Variants in NRXN1 observed in about 807,000 individuals in gnomAD.
NRXN1 encodes neurexin-1.
Under a neutral mutation model 150.9 loss-of-function variants are expected in NRXN1, and 39 were observed. The observed-to-expected ratio is 0.26, with a 90% CI of 0.20 to 0.34. The LOEUF is 0.34. Among genes scored for constraint, NRXN1 ranks in the 10% least tolerant of loss-of-function variants. The pLI is 1.00. For synonymous variants in NRXN1, 924 were observed against 757.0 expected, an observed-to-expected ratio of 1.22 and a Z score of -3.62; for missense variants, 1,815 against 1,949.9, an observed-to-expected ratio of 0.93 and a Z score of 1.30.
At chr2:50,917,386 A>G (rs1685362457) in intron 5 of NRXN1, 5 of 151,794 alleles carry the variant, frequency 3.3e-5, no homozygotes, top group Admixed American at 2.6e-4. Flanking sequence ...ACAAATATGC[A>G]TTAGGATTTT....
At chr2:50,588,851 A>G (rs1673609827) in intron 8 of NRXN1, 1 of 152,290 alleles carries the variant, frequency 6.6e-6, no homozygotes, top group East Asian at 1.9e-4. Flanking sequence ...AATGGCGATA[A>G]TTATAGTAGC....
At chr2:50,210,539 A>G (rs1162094790) in intron 18 of NRXN1, among the ~76,000 whole-genome samples, 2 of 151,784 alleles carry the variant, frequency 1.3e-5, no homozygotes, top group African/African-American at 4.8e-5. Context: ...ACTGATAGTG[A>G]TCATTTAGTA....
chr2:50,474,638 T>C (rs2089820645), intron 15 of NRXN1, among the ~76,000 whole-genome samples: 1 of 127,830 alleles, frequency 7.8e-6, no homozygotes. Context: ...TACTCCTCTG[T>C]GCCATGGGAG....
chr2:50,866,766 G>C (rs1676998733), intron 5 of NRXN1, among the ~76,000 whole-genome samples: 1 of 151,782 alleles, frequency 6.6e-6, no homozygotes, highest in Non-Finnish European at 1.5e-5. Context: ...CAGAGAATGA[G>C]GCCAATTCAT....
intron 18 of NRXN1, among the ~76,000 whole-genome samples, chr2:50,173,612 T>C (rs1487380405): frequency 6.6e-6 from 1 of 152,158 alleles, no homozygotes; most frequent in Non-Finnish European, 1.5e-5. Flanking sequence ...CATGAGGAGG[T>C]AGTACACATC....
intron 5 of NRXN1, among the ~76,000 whole-genome samples, chr2:50,627,873 C>T (rs1417778556): frequency 6.6e-6 from 1 of 151,298 alleles, no homozygotes; most frequent in Non-Finnish European, 1.5e-5. Flanking sequence ...TAACATGCCA[C>T]AACACCTGTG....
chr2:50,080,020 G>A (rs1156482956), intron 19 of NRXN1, among the ~76,000 whole-genome samples: 3 of 152,180 alleles, frequency 2.0e-5, no homozygotes, highest in African/African-American at 7.2e-5. Context: ...TAAATTGCAT[G>A]CCATTCTGAG....
At chr2:50,166,308 TG>T (rs2059682499) in intron 18 of NRXN1, among the ~76,000 whole-genome samples, 1 of 144,774 alleles carries the variant, frequency 6.9e-6, no homozygotes, top group South Asian at 2.1e-4. Context: ...TGTGTGTGTG[TG>T]TGTGTGTGTG....
chr2:50,807,527 G>A (rs1300029054), intron 5 of NRXN1, among the ~76,000 whole-genome samples: 1 of 152,072 alleles, frequency 6.6e-6, no homozygotes, highest in Non-Finnish European at 1.5e-5. Context: ...AATACTGAAA[G>A]TGCATGAATG....
chr2:50,508,786 G>A (rs2092342130), intron 12 of NRXN1, among the ~76,000 whole-genome samples: 1 of 151,978 alleles, frequency 6.6e-6, no homozygotes, highest in South Asian at 2.1e-4. Context: ...TAACCCTTTG[G>A]TTCATAAAAA....
intron 17 of NRXN1, among the ~76,000 whole-genome samples, chr2:50,237,208 A>G (rs1198439252): frequency 6.6e-6 from 1 of 152,084 alleles, no homozygotes; most frequent in African/African-American, 2.4e-5. Context: ...TTTCAGAACA[A>G]ATAGTAGGTT....
intron 17 of NRXN1, among the ~76,000 whole-genome samples, chr2:50,382,039 G>C (rs1241290240): frequency 6.6e-6 from 1 of 152,116 alleles, no homozygotes; most frequent in African/African-American, 2.4e-5. Context: ...GATTCTGCAA[G>C]GCCCAGAGTA....
intron 21 of NRXN1, among the ~76,000 whole-genome samples, chr2:50,037,267 TTTTTAGC>T (rs558841133): frequency 3.6e-4 from 55 of 152,170 alleles, no homozygotes; most frequent in Non-Finnish European, 7.4e-4. Context: ...TCTGGGCTTC[TTTTTAGC>T]AAAGCAAACA....
At chr2:50,101,174 T>A (rs554338495) in intron 18 of NRXN1, among the ~76,000 whole-genome samples, 1 of 152,206 alleles carries the variant, frequency 6.6e-6, no homozygotes, top group African/African-American at 2.4e-5. Context: ...TCTTGTACAG[T>A]CACATTGTAC....
chr2:50,827,750 C>T (rs1017901150), intron 5 of NRXN1, among the ~76,000 whole-genome samples: 8 of 151,646 alleles, frequency 5.3e-5, no homozygotes, highest in Admixed American at 2.6e-4. Context: ...GAGGACCCTG[C>T]GGCCTTCCGC....
At chr2:50,877,113 C>T (rs1004351708) in intron 5 of NRXN1, among the ~76,000 whole-genome samples, 2 of 151,476 alleles carry the variant, frequency 1.3e-5, no homozygotes, top group African/African-American at 2.4e-5. Context: ...GGATGGTGTC[C>T]TAGTTCAATG....
chr2:50,723,904 C>T lies in NRXN1; in HGVS notation c.833-100289G>A, dbSNP rs113574788. Among the ~76,000 whole-genome samples the T allele has an allele frequency of 1.7e-3, 264 of 152,246 alleles. 4 individuals are homozygous for T. Among genetic ancestry groups the T allele is most frequent in the African/African-American group, 6.2e-3 (258 of 41,548 alleles). ...TGAAAAACATCCTAATTTATACATG[C>T]TCATATATCACCAGCTTGTTAATTC... On this transcript the variant is annotated intron_variant, in intron 5 of 22. Coordinates refer to ENST00000401669, the MANE Select transcript of NRXN1 (RefSeq NM_001330078.2).
chr2:50,977,382 AT>A (rs1297521976), intron 2 of NRXN1, among the ~76,000 whole-genome samples: 47 of 152,068 alleles, frequency 3.1e-4, no homozygotes, highest in African/African-American at 1.1e-3. Context: ...TATATACATA[AT>A]TTTACATATG....
At chr2:50,924,799 T>C (rs562287471) in intron 3 of NRXN1, among the ~76,000 whole-genome samples, 2 of 151,726 alleles carry the variant, frequency 1.3e-5, no homozygotes, top group Non-Finnish European at 3.0e-5. Flanking sequence ...ATATTATCCA[T>C]GTACGAATCA....
Sources: gnomAD v4.1 joint callset for allele counts (sites outside exome capture counted in the v4.1 genomes callset) on GRCh38, gnomAD v4.1.1 for gene constraint, MANE v1.5 for transcripts, NCBI Gene and HGNC (gene_info 2026-07-23, HGNC 2026-07-21) for gene names.